Variants in PHACTR2 observed in about 807,000 individuals in gnomAD.
The protein encoded by PHACTR2 is chromosome 6 open reading frame 56.
PHACTR2 carries 30 observed loss-of-function variants against 76.0 expected under a neutral mutation model. That is an observed-to-expected ratio of 0.39 (90% CI 0.30 to 0.54). PHACTR2 has a LOEUF of 0.54. Among genes scored for constraint, PHACTR2 ranks in the 20% least tolerant of loss-of-function variants. The pLI, the probability that PHACTR2 is intolerant of heterozygous loss-of-function variation, is 0.61. For missense variants in PHACTR2, 696 were observed against 781.1 expected (o/e 0.89, Z 1.30); for synonymous variants, 292 against 292.5 (o/e 1.00, Z 0.02).
Position 143,771,180 on chromosome 6 carries a change from A to G in PHACTR2, c.1233-1078A>G, listed in dbSNP as rs1241321152. Among the ~76,000 whole-genome samples the G allele has an allele frequency of 1.7e-3, 89 of 50,908 alleles. 1 individual carries two copies. The highest frequency in any genetic ancestry group is 6.9e-3 in the African/African-American group (51 of 7,372). The allele number at this position is 50,908 out of a possible 152,430, so 33.4% of individuals were successfully genotyped here. A position where few individuals can be genotyped will look rare whatever the true frequency, so the allele number is the denominator to read the frequency against. ...TATGTATATATATATATATGTATAT[A>G]TATATATATGTGTGTATATATATAT... is the stretch of plus-strand genomic sequence containing the variant. On this transcript the variant is annotated intron_variant, in intron 6 of 12. Transcript: ENST00000440869.
intron 10 of PHACTR2, among the ~76,000 whole-genome samples, chr6:143,785,735 C>T (rs773284388): frequency 2.2e-4 from 33 of 152,224 alleles, no homozygotes; most frequent in Non-Finnish European, 4.6e-4. Flanking sequence ...TTTTCACCCA[C>T]AAGCTCAACA....
chr6:143,720,569 A>G (rs931939885), intron 2 of PHACTR2, among the ~76,000 whole-genome samples: 1 of 152,220 alleles, frequency 6.6e-6, no homozygotes, highest in Non-Finnish European at 1.5e-5. Context: ...CTGATAATGT[A>G]ACCATTAAAA....
At chr6:143,758,556 G>T (rs754585949) in intron 4 of PHACTR2, among the ~76,000 whole-genome samples, 2 of 152,172 alleles carry the variant, frequency 1.3e-5, no homozygotes, top group Non-Finnish European at 2.9e-5. Context: ...TTACTTGCCT[G>T]GTTAAGACTG....
chr6:143,809,803 C>G lies in PHACTR2; in HGVS notation c.1922+2670C>G, dbSNP rs1260250990. On this transcript the variant is annotated intron_variant, in intron 12 of 12. Coordinates refer to ENST00000440869, the MANE Select transcript of PHACTR2 (RefSeq NM_001100164.2). The surrounding 1 kb of genome is among the most constrained non-coding windows in gnomAD (Gnocchi z 4.2). ...CACATAAACACAGCATCTAAGAAAT[C>G]TTTCTATAATAATATATATCTCATT... Among the ~76,000 whole-genome samples the G allele has an allele frequency of 6.6e-6, 1 of 151,718 alleles. No individual in the cohort carries two copies. Among genetic ancestry groups the G allele is most frequent in the Non-Finnish European group, 1.5e-5 (1 of 67,952 alleles).
chr6:143,788,830 G>A lies in PHACTR2; in HGVS notation c.1765G>A (p.Glu589Lys). The A allele has an allele frequency of 6.2e-7, 1 of 1,613,688 alleles. No individual in the cohort carries two copies. Among genetic ancestry groups the A allele is most frequent in the Non-Finnish European group, 8.5e-7 (1 of 1,179,662 alleles). The change falls in exon 11 of 13, where the codon GAG (glutamate) becomes AAG (lysine). Residue 589 changes from glutamate to lysine, a missense_variant. Transcript: ENST00000440869. Reference sequence around the variant, plus strand: ...AGCTCGAAGGATCCTGCGATTTAACGAGTATGTAGAAGTCACGGATTCTCC... The same window carrying A: ...AGCTCGAAGGATCCTGCGATTTAACAAGTATGTAGAAGTCACGGATTCTCC... ...LQARRILRFNEYVEVTDSPDY... is the reference protein window; with the variant it reads ...LQARRILRFNKYVEVTDSPDY...
intron 11 of PHACTR2, among the ~76,000 whole-genome samples, chr6:143,796,387 C>CTT (rs1292462471): frequency 2.7e-5 from 1 of 36,420 alleles, no homozygotes; most frequent in Non-Finnish European, 6.2e-5. Flanking sequence ...TCTTTTCTTT[C>CTT]TTTCTTTCTT....
At chr6:143,808,421 A>T (rs1462058379) in intron 12 of PHACTR2, among the ~76,000 whole-genome samples, 1 of 152,030 alleles carries the variant, frequency 6.6e-6, no homozygotes, top group East Asian at 1.9e-4. Flanking sequence ...AAGCCACCAC[A>T]CCCAGCCCAA....
rs542165441 is a variant in PHACTR2 at position 143,551,079 on chromosome 6, AAC to A, written c.217+13876_217+13877del. 1.4e-3 allele frequency among the ~76,000 whole-genome samples: 218 copies of A among 152,018 alleles called. 3 individuals are homozygous for A. Among genetic ancestry groups the A allele is most frequent in the Admixed American group, 0.013 (191 of 15,260 alleles). Reference sequence around the variant, plus strand: ...ACAACAAAAAAAAACCCCAAAGACTAACACATTTTATTCACAGAAAACTCAAA... The same window carrying A: ...ACAACAAAAAAAAACCCCAAAGACTAACATTTTATTCACAGAAAACTCAAA... On this transcript the variant is annotated intron_variant, in intron 1 of 11. Transcript: ENST00000367584.
At chr6:143,815,418 A>AAAAT (rs549717792) in intron 12 of PHACTR2, among the ~76,000 whole-genome samples, 65 of 152,232 alleles carry the variant, frequency 4.3e-4, no homozygotes, top group Admixed American at 7.2e-4. Flanking sequence ...CTGTCTCTTT[A>AAAAT]AAATAAATAA....
chr6:143,587,674 T>TA (rs1775643858), intron 1 of PHACTR2, among the ~76,000 whole-genome samples: 1 of 152,164 alleles, frequency 6.6e-6, no homozygotes, highest in African/African-American at 2.4e-5. Flanking sequence ...TGAGACTCAC[T>TA]ACTTTTTCAT....
Position 143,553,115 on chromosome 6 carries a change from T to A in PHACTR2, c.217+15908T>A, listed in dbSNP as rs528579187. Among the ~76,000 whole-genome samples the A allele has an allele frequency of 1.2e-4, 19 of 152,302 alleles. No individual in the cohort carries two copies. The South Asian group carries it at 3.7e-3, about 30-fold the overall frequency. On this transcript the variant is annotated intron_variant, in intron 1 of 11. Transcript: ENST00000367584. This position sits in a 1 kb window ranked among gnomAD's most constrained non-coding sequence, Gnocchi z 4.2. ...AGGGGCTAAAACCCATGCACCACTC[T>A]TGACCCATCAACAAGGTTCAGCAAG...
In PHACTR2 at chr6:143,695,879, T is replaced by C. The variant is rs145970270; in HGVS notation, c.47-16137T>C. ...TTAGCAGCCGTAGCAACACATCTTA[T>C]ACGGTGCAGGATTTTTAAAAACCAA... On this transcript the variant is annotated intron_variant, in intron 1 of 12. Transcript: ENST00000440869. This position sits in a 1 kb window ranked among gnomAD's most constrained non-coding sequence, Gnocchi z 4.4. 2.0e-5 allele frequency among the ~76,000 whole-genome samples: 3 copies of C among 152,360 alleles called. No homozygotes were observed. The highest frequency in any genetic ancestry group is 1.9e-4 in the East Asian group (1 of 5,190).
In PHACTR2 at chr6:143,602,695, G is replaced by T. The variant is rs916771540; in HGVS notation, c.217+65488G>T. ...ATTGCTATGTGTTTGGAGCAGTGGG[G>T]TGTTGTCCAAGTGTGGATTCACCAA... On this transcript the variant is annotated intron_variant, in intron 1 of 11. Transcript: ENST00000367584. This position sits in a 1 kb window ranked among gnomAD's most constrained non-coding sequence, Gnocchi z 6.1. Among the ~76,000 whole-genome samples the T allele has an allele frequency of 5.9e-5, 9 of 152,196 alleles. No individual in the cohort carries two copies. The highest frequency in any genetic ancestry group is 1.2e-4 in the Non-Finnish European group (8 of 68,032).
intron 1 of PHACTR2, among the ~76,000 whole-genome samples, chr6:143,620,841 T>A (rs1776141360): frequency 6.6e-6 from 1 of 152,236 alleles, no homozygotes; most frequent in Admixed American, 6.5e-5. Flanking sequence ...GTATTTGCCC[T>A]GGCCTCAAAG....
chr6:143,705,043 T>C (rs1156547834), intron 1 of PHACTR2, among the ~76,000 whole-genome samples: 1 of 151,968 alleles, frequency 6.6e-6, no homozygotes, highest in East Asian at 1.9e-4. Context: ...AGCCAGATGG[T>C]CTCCATCTCC....
chr6:143,559,304 G>T (rs562009427), intron 1 of PHACTR2, among the ~76,000 whole-genome samples: 1 of 152,326 alleles, frequency 6.6e-6, no homozygotes, highest in South Asian at 2.1e-4. Context: ...AGGCTATTAA[G>T]AATTCAGAGG....
At chr6:143,725,325 C>T (rs1006945631) in intron 2 of PHACTR2, among the ~76,000 whole-genome samples, 4 of 149,650 alleles carry the variant, frequency 2.7e-5, no homozygotes, top group East Asian at 2.0e-4. Context: ...CTCAGCCTCC[C>T]GAGTAGCTGG....
intron 1 of PHACTR2, among the ~76,000 whole-genome samples, chr6:143,651,665 A>G (rs1776766747): frequency 6.6e-6 from 1 of 152,090 alleles, no homozygotes. Flanking sequence ...ATGGCAGCGA[A>G]ACAACACACA....
At position 143,830,402 on chromosome 6, in the gene PHACTR2, G is replaced by A. The variant is rs2128489446; in HGVS notation, c.*6713G>A. On this transcript the variant is annotated 3_prime_UTR_variant, in exon 13 of 13. Transcript: ENST00000440869. ...GGTAAACTGTGATCATTATCAGACT[G>A]ACTGAATGCTTTCTGATTTCCAGTG... 1 of 150,830 alleles carries A rather than the reference G, an allele frequency of 6.6e-6. No homozygotes were observed. Among genetic ancestry groups the A allele is most frequent in the African/African-American group, 2.4e-5 (1 of 41,050 alleles). 9.3% of individuals were successfully genotyped at this position (150,830 alleles called of 1,614,324 possible).
Sources: gnomAD v4.1 joint callset for allele counts (sites outside exome capture counted in the v4.1 genomes callset) on GRCh38, gnomAD v4.1.1 for gene constraint, Gnocchi (gnomAD v3.1) non-coding constraint, MANE v1.5 for transcripts, NCBI Gene and HGNC (gene_info 2026-07-23, HGNC 2026-07-21) for gene names.